Variants in SLX4IP observed in about 807,000 individuals in gnomAD.
The protein encoded by SLX4IP is protein SLX4IP.
Under a neutral mutation model 32.9 loss-of-function variants are expected in SLX4IP, and 34 were observed. The ratio of observed to expected loss-of-function variants is 1.03; its 90% confidence interval spans 0.79 to 1.38. The LOEUF is 1.38. SLX4IP is among the 40% of genes most tolerant of loss of function. The pLI, the probability that SLX4IP is intolerant of heterozygous loss-of-function variation, is 0.00. For synonymous variants in SLX4IP, 172 were observed against 171.7 expected, an observed-to-expected ratio of 1.00 and a Z score of -0.01; for missense variants, 444 against 479.0, an observed-to-expected ratio of 0.93 and a Z score of 0.68.
chr20:10,549,078 A>T (rs2066192549), intron 2 of SLX4IP, among the ~76,000 whole-genome samples: 1 of 152,170 alleles, frequency 6.6e-6, no homozygotes, highest in Admixed American at 6.5e-5. Flanking sequence ...AATTCAATTG[A>T]CAACACACTT....
At chr20:10,619,216 T>C (rs567506579) in intron 6 of SLX4IP, among the ~76,000 whole-genome samples, 1 of 149,674 alleles carries the variant, frequency 6.7e-6, no homozygotes, top group African/African-American at 2.4e-5. Context: ...TCTTTTTTTT[T>C]CTTTTTTTTT....
intron 2 of SLX4IP, among the ~76,000 whole-genome samples, chr20:10,527,151 A>T (rs1328259674): frequency 6.6e-6 from 1 of 152,246 alleles, no homozygotes; most frequent in Non-Finnish European, 1.5e-5. Flanking sequence ...CATGCCATAA[A>T]CTAGGCCCTA....
chr20:10,507,895 C>T (rs1202083857), intron 2 of SLX4IP, among the ~76,000 whole-genome samples: 1 of 133,878 alleles, frequency 7.5e-6, no homozygotes, highest in Admixed American at 7.9e-5. Context: ...CAGAGGGATA[C>T]AGTCTCCTTT....
chr20:10,589,695 G>A (rs1249538684), intron 4 of SLX4IP, among the ~76,000 whole-genome samples: 1 of 152,162 alleles, frequency 6.6e-6, no homozygotes, highest in Admixed American at 6.6e-5. Context: ...AATGTTCATA[G>A]TACTGAGGTT....
At chr20:10,478,104 G>A (rs1354194235) in intron 2 of SLX4IP, among the ~76,000 whole-genome samples, 19 of 151,734 alleles carry the variant, frequency 1.3e-4, no homozygotes, top group Admixed American at 1.0e-3. Flanking sequence ...TCACCGTGTT[G>A]CCCAGGCTGG....
intron 1 of SLX4IP, among the ~76,000 whole-genome samples, chr20:10,448,868 A>G (rs950531319): frequency 6.6e-6 from 1 of 152,192 alleles, no homozygotes; most frequent in Non-Finnish European, 1.5e-5. Flanking sequence ...AAATTTCCCT[A>G]AAAACAGAAA....
At chr20:10,515,305 G>A (rs972699060) in intron 2 of SLX4IP, among the ~76,000 whole-genome samples, 16 of 151,850 alleles carry the variant, frequency 1.1e-4, no homozygotes, top group African/African-American at 3.6e-4. Context: ...GGCTGTTCTC[G>A]AACTCCTGAT....
intron 2 of SLX4IP, among the ~76,000 whole-genome samples, chr20:10,474,667 C>T (rs1046550890): frequency 3.3e-5 from 5 of 152,252 alleles, no homozygotes; most frequent in Admixed American, 6.5e-5. Flanking sequence ...GGAGCCTCTC[C>T]ACTTCCGCCG....
intron 2 of SLX4IP, among the ~76,000 whole-genome samples, chr20:10,528,192 A>T (rs566641300): frequency 6.6e-6 from 1 of 152,314 alleles, no homozygotes; most frequent in East Asian, 1.9e-4. Flanking sequence ...TTAATTCAAA[A>T]GTTTTCTAAC....
intron 2 of SLX4IP, among the ~76,000 whole-genome samples, chr20:10,467,629 A>G (rs1233211148): frequency 6.6e-6 from 1 of 152,208 alleles, no homozygotes; most frequent in Non-Finnish European, 1.5e-5. Flanking sequence ...CTGTTTTCCC[A>G]TTCAGTATCA....
At chr20:10,611,048 T>A in intron 6 of SLX4IP, among the ~76,000 whole-genome samples, 1 of 152,232 alleles carries the variant, frequency 6.6e-6, no homozygotes, top group East Asian at 1.9e-4. Flanking sequence ...ACATCGCTGA[T>A]GCTCCTGAAA....
intron 2 of SLX4IP, among the ~76,000 whole-genome samples, chr20:10,471,618 C>G (rs534254842): frequency 6.6e-6 from 1 of 152,134 alleles, no homozygotes; most frequent in Non-Finnish European, 1.5e-5. Context: ...TTAGTCCTTG[C>G]TATTGATTCC....
chr20:10,524,284 G>C lies in SLX4IP; in HGVS notation c.28-31947G>C, dbSNP rs574904661. 9.8e-5 allele frequency among the ~76,000 whole-genome samples: 15 copies of C among 152,348 alleles called. No homozygotes were observed. In the South Asian group the frequency reaches 2.3e-3, roughly 23 times the overall value. ...ACCCTTGGCAGCGTTCCTCTCAGCTGCTGCTCTTTGGGAATCAGCTGGACT... is the reference window on the plus strand; with the variant it reads ...ACCCTTGGCAGCGTTCCTCTCAGCTCCTGCTCTTTGGGAATCAGCTGGACT... On this transcript the variant is annotated intron_variant, in intron 2 of 7. Transcript: ENST00000334534.
At chr20:10,544,453 T>G (rs191442855) in intron 2 of SLX4IP, among the ~76,000 whole-genome samples, 17 of 152,320 alleles carry the variant, frequency 1.1e-4, no homozygotes, top group Non-Finnish European at 1.8e-4. Flanking sequence ...TGGCACAATC[T>G]TGGCTCACTG....
intron 4 of SLX4IP, among the ~76,000 whole-genome samples, chr20:10,578,058 C>T (rs2066541556): frequency 6.6e-6 from 1 of 152,190 alleles, no homozygotes; most frequent in Admixed American, 6.5e-5. Context: ...GAATACTTCT[C>T]ATTTTTTTAA....
intron 2 of SLX4IP, among the ~76,000 whole-genome samples, chr20:10,506,492 CAGGCCTT>C (rs2065761063): frequency 6.6e-6 from 1 of 152,172 alleles, no homozygotes; most frequent in African/African-American, 2.4e-5. Flanking sequence ...ACAAGACAGA[CAGGCCTT>C]ATGTTGTTTG....
chr20:10,605,899 A>G (rs1368323351), intron 6 of SLX4IP, among the ~76,000 whole-genome samples: 1 of 152,116 alleles, frequency 6.6e-6, no homozygotes, highest in Non-Finnish European at 1.5e-5. Flanking sequence ...TAGTTTTTGA[A>G]TACAAAATTG....
chr20:10,458,305 A>G, intron 2 of SLX4IP, 74 bp downstream of exon 2: 1 of 1,410,146 alleles, frequency 7.1e-7, no homozygotes, highest in Non-Finnish European at 9.6e-7. Flanking sequence ...TGTTAATTGA[A>G]AATCGAGGTT....
intron 2 of SLX4IP, among the ~76,000 whole-genome samples, chr20:10,540,104 C>CTTCCTTCT (rs2066087968): frequency 1.0e-5 from 1 of 100,458 alleles, no homozygotes; most frequent in Admixed American, 9.5e-5. Context: ...CCTTTCCTTC[C>CTTCCTTCT]TTCCTTCCTT....
Sources: allele counts gnomAD v4.1 joint callset (sites outside exome capture counted in the v4.1 genomes callset), GRCh38; gene constraint gnomAD v4.1.1; transcripts MANE v1.5; gene names NCBI Gene and HGNC (gene_info 2026-07-23, HGNC 2026-07-21).